Variants in PPARGC1A observed in about 807,000 individuals in gnomAD.
PPARGC1A encodes the protein PPARG coactivator 1 alpha, also known as peroxisome proliferator-activated receptor gamma coactivator 1-alpha.
Under a neutral mutation model 88.7 loss-of-function variants are expected in PPARGC1A, and 25 were observed. The ratio of observed to expected loss-of-function variants is 0.28; its 90% CI spans 0.21 to 0.39. PPARGC1A has a LOEUF of 0.39. PPARGC1A is among the 10% of genes least tolerant of loss of function. PPARGC1A has a pLI of 1.00. For synonymous variants in PPARGC1A, 363 were observed against 355.6 expected, an observed-to-expected ratio of 1.02 and a Z score of -0.24; for missense variants, 880 against 968.7, an observed-to-expected ratio of 0.91 and a Z score of 1.22.
the PPARGC1A span, among the ~76,000 whole-genome samples, chr4:24,219,072 T>A: frequency 2.8e-4 from 42 of 152,216 alleles, no homozygotes; most frequent in African/African-American, 9.9e-4. Context: ...GAGGGGCTTA[T>A]TTTCTCCCTT....
chr4:23,859,901 G>T (rs1730933903), intron 2 of PPARGC1A, among the ~76,000 whole-genome samples: 1 of 151,804 alleles, frequency 6.6e-6, no homozygotes. Context: ...GGTCAATAAG[G>T]AATATTCAAG....
At chr4:23,831,304 C>T (rs537120972) in intron 3 of PPARGC1A, among the ~76,000 whole-genome samples, 1 of 152,064 alleles carries the variant, frequency 6.6e-6, no homozygotes, top group East Asian at 1.9e-4. Context: ...ATAAATAACA[C>T]TAAGATAGAA....
At chr4:24,040,224 C>G in the PPARGC1A span, among the ~76,000 whole-genome samples, 1 of 152,170 alleles carries the variant, frequency 6.6e-6, no homozygotes, top group Non-Finnish European at 1.5e-5. Flanking sequence ...CTGTTCCAAT[C>G]CAGCCACATA....
chr4:24,124,142 T>C, the PPARGC1A span, among the ~76,000 whole-genome samples: 1 of 152,128 alleles, frequency 6.6e-6, no homozygotes, highest in African/African-American at 2.4e-5. Context: ...GATAGCCGGA[T>C]ACACTATCTT....
At chr4:24,180,102 C>T in the PPARGC1A span, among the ~76,000 whole-genome samples, 5 of 151,932 alleles carry the variant, frequency 3.3e-5, no homozygotes, top group Admixed American at 6.6e-5. Flanking sequence ...ATTTGAGCTC[C>T]GAAAATATAA....
At chr4:23,818,777 G>C (rs1275674790) in intron 7 of PPARGC1A, among the ~76,000 whole-genome samples, 22 of 144,712 alleles carry the variant, frequency 1.5e-4, no homozygotes, top group Admixed American at 1.3e-3. Flanking sequence ...TTAATTGAAT[G>C]ACTCTGATAA....
chr4:23,847,195 G>A (rs1443510325), intron 2 of PPARGC1A, among the ~76,000 whole-genome samples: 1 of 152,128 alleles, frequency 6.6e-6, no homozygotes, highest in African/African-American at 2.4e-5. Flanking sequence ...TTGAGGAAAG[G>A]TGAGAATATT....
At chr4:24,313,359 C>T in the PPARGC1A span, among the ~76,000 whole-genome samples, 2 of 152,156 alleles carry the variant, frequency 1.3e-5, no homozygotes, top group African/African-American at 2.4e-5. Context: ...AGGCATGAAA[C>T]GGTGATAGAA....
At chr4:24,203,986 T>C in the PPARGC1A span, among the ~76,000 whole-genome samples, 4,646 of 152,314 alleles carry the variant, frequency 0.031, 129 homozygotes, top group Non-Finnish European at 0.039. Context: ...ATTATAGATA[T>C]TGAACTGAAA....
the PPARGC1A span, among the ~76,000 whole-genome samples, chr4:24,197,476 C>T: frequency 6.6e-6 from 1 of 152,186 alleles, no homozygotes; most frequent in Non-Finnish European, 1.5e-5. Context: ...TTCCTTCCTC[C>T]AGGTCCCACC....
At chr4:23,968,855 T>C in the PPARGC1A span, among the ~76,000 whole-genome samples, 1 of 150,806 alleles carries the variant, frequency 6.6e-6, no homozygotes. Context: ...GAGGTTGCAG[T>C]GAGCCGAGAT....
At chr4:24,399,888 A>G in the PPARGC1A span, among the ~76,000 whole-genome samples, 7 of 151,652 alleles carry the variant, frequency 4.6e-5, no homozygotes, top group East Asian at 1.4e-3. Context: ...TTCCGGATTC[A>G]AGCAATTCTG....
the PPARGC1A span, among the ~76,000 whole-genome samples, chr4:24,241,439 T>C: frequency 6.6e-6 from 1 of 152,200 alleles, no homozygotes; most frequent in Non-Finnish European, 1.5e-5. Context: ...CAAGCAAATA[T>C]TCATCTGAAA....
At chr4:24,317,384 C>G in the PPARGC1A span, among the ~76,000 whole-genome samples, 1 of 151,418 alleles carries the variant, frequency 6.6e-6, no homozygotes, top group African/African-American at 2.4e-5. Flanking sequence ...AAAGAAATGT[C>G]AAAGGTGCTA....
chr4:24,435,699 T>C, the PPARGC1A span, among the ~76,000 whole-genome samples: 1 of 152,172 alleles, frequency 6.6e-6, no homozygotes, highest in African/African-American at 2.4e-5. Flanking sequence ...AATGAACCAA[T>C]CATTTCATTT....
chr4:24,124,865 T>C, the PPARGC1A span, among the ~76,000 whole-genome samples: 10 of 152,268 alleles, frequency 6.6e-5, no homozygotes, highest in Admixed American at 2.0e-4. Context: ...CAGACATAAA[T>C]AAGCTTGCTG....
At chr4:23,836,039 G>A (rs1265917995) in intron 2 of PPARGC1A, among the ~76,000 whole-genome samples, 1 of 152,164 alleles carries the variant, frequency 6.6e-6, no homozygotes, top group Non-Finnish European at 1.5e-5. Context: ...ATTAGTCACT[G>A]CACTGACATT....
the PPARGC1A span, among the ~76,000 whole-genome samples, chr4:23,987,901 C>T: frequency 6.6e-6 from 1 of 152,094 alleles, no homozygotes; most frequent in Admixed American, 6.6e-5. Context: ...CAACCCGTCA[C>T]CTACATTAGG....
rs150248764 is a variant in PPARGC1A, at chr4:23,874,661, G to T, written c.234+10091C>A. ...AGCAAGGACTTTAAACCTTGGTCATGTCAGGTGAATGTTGGCAAGATTTCC... is the reference window on the plus strand; with the variant it reads ...AGCAAGGACTTTAAACCTTGGTCATTTCAGGTGAATGTTGGCAAGATTTCC... On this transcript the variant is annotated intron_variant, in intron 2 of 12. Transcript: ENST00000264867. Among the ~76,000 whole-genome samples, 522 of 152,204 alleles carry T rather than the reference G, an allele frequency of 3.4e-3. 4 individuals carry two copies. The highest frequency in any genetic ancestry group is 0.012 in the African/African-American group (490 of 41,512).
Sources: allele counts gnomAD v4.1 joint callset (sites outside exome capture counted in the v4.1 genomes callset), GRCh38; gene constraint gnomAD v4.1.1; transcripts MANE v1.5; gene names NCBI Gene and HGNC (gene_info 2026-07-23, HGNC 2026-07-21).